The following DACH1 variants were observed in gnomAD, a reference collection of about 807,000 sequenced individuals.
DACH1 encodes dachshund homolog 1.
A neutral mutation model predicts 54.2 loss-of-function variants in DACH1; 12 were observed. That is an observed-to-expected ratio of 0.22 (90% CI 0.14 to 0.36). The LOEUF (loss-of-function observed/expected upper bound fraction) is 0.36, where lower values mean the gene tolerates loss of function less well. DACH1 is among the 10% of genes least tolerant of loss of function. The pLI is 1.00. For synonymous variants in DACH1, 386 were observed against 366.2 expected, an observed-to-expected ratio of 1.05 and a Z score of -0.62; for missense variants, 805 against 929.8, an observed-to-expected ratio of 0.87 and a Z score of 1.75.
In DACH1 at chr13:71,828,492, A is replaced by G. The variant is rs567902412; in HGVS notation, c.848+37430T>C. 8.5e-5 allele frequency among the ~76,000 whole-genome samples: 13 copies of G among 152,156 alleles called. No homozygotes were observed. The East Asian group carries it at 2.5e-3, about 29-fold the overall frequency. ...AGGGTAATAAAAAATAATGTTCTTA[A>G]ACATCTTTTTCAACTTTTATATTTT... is the stretch of plus-strand genomic sequence containing the variant. On this transcript the variant is annotated intron_variant, in intron 1 of 10. Transcript: ENST00000613252.
chr13:71,465,038 C>A (rs1307830233), intron 10 of DACH1, among the ~76,000 whole-genome samples: 1 of 151,998 alleles, frequency 6.6e-6, no homozygotes, highest in African/African-American at 2.4e-5. Context: ...ATGGTTTGAA[C>A]AGTAGAAATA....
At chr13:71,667,284 A>G (rs2138667703) in intron 2 of DACH1, among the ~76,000 whole-genome samples, 1 of 152,248 alleles carries the variant, frequency 6.6e-6, no homozygotes, top group Non-Finnish European at 1.5e-5. Flanking sequence ...ATGCATAGAA[A>G]CTCCAGAAGC....
chr13:71,602,169 C>T (rs1407630302), intron 3 of DACH1, among the ~76,000 whole-genome samples: 1 of 151,932 alleles, frequency 6.6e-6, no homozygotes, highest in South Asian at 2.1e-4. Flanking sequence ...TGGAAAGCAA[C>T]ACAAAATTTC....
At chr13:71,790,995 T>G (rs1886806692) in intron 1 of DACH1, among the ~76,000 whole-genome samples, 1 of 152,182 alleles carries the variant, frequency 6.6e-6, no homozygotes, top group African/African-American at 2.4e-5. Flanking sequence ...TATTAGGTCT[T>G]CAAATGATCC....
intron 6 of DACH1, among the ~76,000 whole-genome samples, chr13:71,546,110 CCAT>C (rs1340140535): frequency 6.6e-6 from 1 of 152,012 alleles, no homozygotes; most frequent in African/African-American, 2.4e-5. Flanking sequence ...TAATTTGGCT[CCAT>C]ATGTCAAACA....
At chr13:71,639,119 C>G (rs1466716252) in intron 2 of DACH1, among the ~76,000 whole-genome samples, 1 of 152,034 alleles carries the variant, frequency 6.6e-6, no homozygotes, top group African/African-American at 2.4e-5. Flanking sequence ...ACACCAGTAC[C>G]TTTTTTCACC....
intron 6 of DACH1, among the ~76,000 whole-genome samples, chr13:71,517,476 CTTTA>C (rs1015279858): frequency 2.0e-5 from 3 of 151,780 alleles, no homozygotes; most frequent in African/African-American, 7.3e-5. Context: ...TGTGTGTGGA[CTTTA>C]TTTCTTTATT....
Position 71,516,820 on chromosome 13 carries a change from G to C in DACH1, c.1571-27672C>G, listed in dbSNP as rs553666752. ...CAGAGCAGATTGAGCAAAAACATTA[G>C]AGATTATTCTAGCATCTGTAAGTGC... On this transcript the variant is annotated intron_variant, in intron 6 of 10. Transcript: ENST00000613252. Among the ~76,000 whole-genome samples, 4 of 151,800 alleles carry C rather than the reference G, an allele frequency of 2.6e-5. No homozygotes were observed. The South Asian group carries it at 6.2e-4, about 24-fold the overall frequency.
intron 1 of DACH1, among the ~76,000 whole-genome samples, chr13:71,687,446 A>T (rs920096319): frequency 1.3e-5 from 2 of 152,142 alleles, no homozygotes; most frequent in Admixed American, 6.5e-5. Flanking sequence ...TGAGACAGAA[A>T]TCAAGTAAAG....
intron 1 of DACH1, among the ~76,000 whole-genome samples, chr13:71,792,362 ACACACAC>A: frequency 6.6e-6 from 1 of 151,984 alleles, no homozygotes; most frequent in Admixed American, 6.6e-5. Context: ...ACACACACAC[ACACACAC>A]ACCCCTGGAA....
chr13:71,617,970 T>C (rs1371964933), intron 3 of DACH1, among the ~76,000 whole-genome samples: 2 of 152,156 alleles, frequency 1.3e-5, no homozygotes, highest in Admixed American at 6.6e-5. Context: ...ATAAAATGGA[T>C]GTCATATCCA....
At chr13:71,440,729 G>A in intron 10 of DACH1, 37 bp from the exon 11 acceptor site, 1 of 1,506,616 alleles carries the variant, frequency 6.6e-7, no homozygotes, top group Admixed American at 1.9e-5. Context: ...TAATGGCATG[G>A]TATTTGGGGT....
chr13:71,510,791 C>T (rs1160406080), intron 6 of DACH1, among the ~76,000 whole-genome samples: 3 of 151,838 alleles, frequency 2.0e-5, no homozygotes, highest in Non-Finnish European at 2.9e-5. Context: ...TCTATTGCAA[C>T]GTTCAGTTTG....
At chr13:71,455,318 T>A (rs1875462256) in intron 10 of DACH1, among the ~76,000 whole-genome samples, 1 of 152,036 alleles carries the variant, frequency 6.6e-6, no homozygotes, top group Non-Finnish European at 1.5e-5. Context: ...CATATATCTA[T>A]CTCTCCATAT....
chr13:71,674,440 TACACACACACACACACACACACACAC>T (rs57078245), intron 2 of DACH1, among the ~76,000 whole-genome samples: 1 of 141,046 alleles, frequency 7.1e-6, no homozygotes, highest in Admixed American at 7.1e-5. Context: ...AGGGAGATTT[TACACACACACACACACACACACACAC>T]ACACACACAC....
chr13:71,499,132 C>CAG (rs200229201), intron 6 of DACH1, among the ~76,000 whole-genome samples: 201 of 46,226 alleles, frequency 4.3e-3, no homozygotes, highest in African/African-American at 8.5e-3. Flanking sequence ...CACACACACA[C>CAG]GCAGACACAC....
At chr13:71,675,208 C>T (rs538018601) in intron 2 of DACH1, 8 of 1,572,422 alleles carry the variant, frequency 5.1e-6, no homozygotes, top group Non-Finnish European at 7.0e-6. Context: ...TACTGTGGCG[C>T]TCCGTGAAGT....
intron 3 of DACH1, among the ~76,000 whole-genome samples, chr13:71,576,445 T>C (rs1243777441): frequency 6.6e-6 from 1 of 152,136 alleles, no homozygotes; most frequent in Non-Finnish European, 1.5e-5. Context: ...AAAAATAAGT[T>C]TGATGCAATG....
intron 1 of DACH1, among the ~76,000 whole-genome samples, chr13:71,822,971 T>G (rs769933668): frequency 6.6e-6 from 1 of 152,134 alleles, no homozygotes; most frequent in East Asian, 1.9e-4. Context: ...TTCACAGCTA[T>G]TAAAATTCAA....
Sources: allele counts gnomAD v4.1 joint callset (sites outside exome capture counted in the v4.1 genomes callset), GRCh38; gene constraint gnomAD v4.1.1; transcripts MANE v1.5; gene names NCBI Gene and HGNC (gene_info 2026-07-23, HGNC 2026-07-21).